Variants in DPYD observed in about 807,000 individuals in gnomAD.
The protein encoded by DPYD is dihydropyrimidine dehydrogenase.
DPYD carries 109 observed loss-of-function variants against 116.2 expected under a neutral mutation model. The observed-to-expected ratio is 0.94, with a 90% CI of 0.80 to 1.10. DPYD has a LOEUF of 1.10. DPYD is among the 50% of genes least tolerant of loss of function. DPYD has a pLI of 0.00. For missense variants in DPYD, 1,302 were observed against 1,254.5 expected, an observed-to-expected ratio of 1.04 and a Z score of -0.57; for synonymous variants, 440 against 432.0, an observed-to-expected ratio of 1.02 and a Z score of -0.23.
intron 20 of DPYD, among the ~76,000 whole-genome samples, chr1:97,133,528 C>G (rs551618446): frequency 6.6e-6 from 1 of 152,068 alleles, no homozygotes; most frequent in South Asian, 2.1e-4. Flanking sequence ...TTATATCTAA[C>G]TATCTAATCC....
rs563141245 is a variant in DPYD, at chr1:97,754,183, G to A, written c.234-13704C>T. ...TAATTCATATCATAAGGTAGACCAC[G>A]TTTTCGGGCAATGGCACTGCTTAGA... On this transcript the variant is annotated intron_variant, in intron 3 of 22. Coordinates refer to ENST00000370192, the MANE Select transcript of DPYD (RefSeq NM_000110.4). 4.0e-5 allele frequency among the ~76,000 whole-genome samples: 6 copies of A among 151,516 alleles called. No individual in the cohort carries two copies. In the South Asian group the frequency reaches 1.0e-3, roughly 26 times the overall value.
At chr1:97,385,364 G>C (rs552115935) in intron 14 of DPYD, among the ~76,000 whole-genome samples, 8 of 145,436 alleles carry the variant, frequency 5.5e-5, no homozygotes, top group African/African-American at 1.8e-4. Flanking sequence ...AAATCAACTG[G>C]GGAATGGGCA....
intron 16 of DPYD, among the ~76,000 whole-genome samples, chr1:97,315,611 A>G (rs1261825232): frequency 1.3e-5 from 2 of 151,976 alleles, no homozygotes; most frequent in Non-Finnish European, 2.9e-5. Flanking sequence ...GGATTACGCT[A>G]TATTCTAGGA....
At chr1:97,181,740 T>A (rs181530604) in intron 20 of DPYD, among the ~76,000 whole-genome samples, 2 of 152,310 alleles carry the variant, frequency 1.3e-5, no homozygotes, top group African/African-American at 4.8e-5. Flanking sequence ...CCCATATATT[T>A]TGGAAATGGA....
At chr1:97,368,086 C>T (rs1256247166) in intron 16 of DPYD, among the ~76,000 whole-genome samples, 1 of 151,816 alleles carries the variant, frequency 6.6e-6, no homozygotes, top group Non-Finnish European at 1.5e-5. Flanking sequence ...GTATAAATTC[C>T]AAGCAGAAGG....
At chr1:97,723,403 C>T (rs2101030176) in intron 4 of DPYD, among the ~76,000 whole-genome samples, 1 of 151,514 alleles carries the variant, frequency 6.6e-6, no homozygotes, top group Non-Finnish European at 1.5e-5. Context: ...ATTACAGAAT[C>T]TAGTTACAGT....
rs1254526843 is a variant in DPYD, at chr1:97,335,769, T to C, written c.2059-29472A>G. On this transcript the variant is annotated intron_variant, in intron 16 of 22. Transcript: ENST00000370192. ...TAAAATAACATATGGGAAAAGAAAA[T>C]AGTACAGTTGCTGCTTTACTTCAAA... 4.6e-5 allele frequency among the ~76,000 whole-genome samples: 7 copies of C among 152,092 alleles called. No homozygotes were observed. In the South Asian group the frequency reaches 6.2e-4, roughly 14 times the overall value.
In DPYD at chr1:97,758,446, T is replaced by C. The variant is rs1210259406; in HGVS notation, c.234-17967A>G. Among the ~76,000 whole-genome samples the C allele has an allele frequency of 2.0e-5, 3 of 152,094 alleles. No homozygotes were observed. The East Asian group carries it at 5.8e-4, about 29-fold the overall frequency. ...TGAATGTTTCTTTACATGAGAGACA[T>C]TAATCTTTCAATAAGAACATAGTTG... On this transcript the variant is annotated intron_variant, in intron 3 of 22. Transcript: ENST00000370192.
intron 18 of DPYD, among the ~76,000 whole-genome samples, chr1:97,275,182 G>A (rs1664857078): frequency 6.6e-6 from 1 of 152,112 alleles, no homozygotes; most frequent in South Asian, 2.1e-4. Context: ...GATGTAAGCT[G>A]GGACAAAATC....
intron 3 of DPYD, among the ~76,000 whole-genome samples, chr1:97,759,201 C>T (rs557869068): frequency 6.6e-6 from 1 of 152,224 alleles, no homozygotes; most frequent in South Asian, 2.1e-4. Flanking sequence ...CAAAACAAAG[C>T]TTTGCTGCAT....
intron 6 of DPYD, among the ~76,000 whole-genome samples, chr1:97,695,666 A>T (rs1387476024): frequency 6.6e-6 from 1 of 151,876 alleles, no homozygotes; most frequent in Non-Finnish European, 1.5e-5. Context: ...CAGGTCGTGG[A>T]AGGGTTTTTA....
chr1:97,919,270 A>G (rs75058968), intron 1 of DPYD, among the ~76,000 whole-genome samples: 12,519 of 152,276 alleles, frequency 0.082, 608 homozygotes, highest in Admixed American at 0.14. Flanking sequence ...ATTAAAAGTA[A>G]TATTAGGCAA....
chr1:97,920,906 C>T lies in DPYD; in HGVS notation c.17G>A (p.Ser6Asn). MAPVL[S>N]KDSADIESIL... ...TACCTCGATGTCCGCCGAGTCCTTA[C>T]TGAGCACAGGGGCCATGGCAGTGCC... Residue 6 changes from serine to asparagine, a missense_variant, in exon 1 of 23, where the codon AGT (serine) becomes AAT (asparagine). Ser to Asn is a conservative substitution (Grantham distance 46, BLOSUM62 1). Coordinates refer to ENST00000370192, the MANE Select transcript of DPYD (RefSeq NM_000110.4). 1 of 1,593,470 alleles carries T rather than the reference C, an allele frequency of 6.3e-7. No homozygotes were observed. The highest frequency in any genetic ancestry group is 8.5e-7 in the Non-Finnish European group (1 of 1,170,326).
intron 18 of DPYD, among the ~76,000 whole-genome samples, chr1:97,235,965 G>T (rs1333865820): frequency 6.6e-6 from 1 of 152,148 alleles, no homozygotes; most frequent in Non-Finnish European, 1.5e-5. Context: ...GACATTACCA[G>T]TATATTATTC....
chr1:97,842,192 T>C (rs1441625918), intron 2 of DPYD, among the ~76,000 whole-genome samples: 2 of 151,926 alleles, frequency 1.3e-5, no homozygotes, highest in Admixed American at 1.3e-4. Flanking sequence ...TAATTTTATT[T>C]TTAATCAACT....
chr1:97,798,233 AT>A (rs1159667158), intron 3 of DPYD, among the ~76,000 whole-genome samples: 1 of 152,080 alleles, frequency 6.6e-6, no homozygotes, highest in Non-Finnish European at 1.5e-5. Flanking sequence ...CTTCAGAATT[AT>A]TCTCCTAATT....
At chr1:97,204,061 A>C (rs1659433432) in intron 19 of DPYD, among the ~76,000 whole-genome samples, 1 of 152,140 alleles carries the variant, frequency 6.6e-6, no homozygotes, top group Non-Finnish European at 1.5e-5. Context: ...GAGTGAATAA[A>C]CTATGTAAGA....
intron 2 of DPYD, among the ~76,000 whole-genome samples, chr1:97,831,340 G>A (rs765305311): frequency 4.6e-5 from 7 of 152,096 alleles, no homozygotes; most frequent in African/African-American, 7.2e-5. Context: ...TCACTGTCAC[G>A]TTTACCACCA....
At chr1:97,762,830 T>C (rs1665651003) in intron 3 of DPYD, among the ~76,000 whole-genome samples, 1 of 152,092 alleles carries the variant, frequency 6.6e-6, no homozygotes, top group South Asian at 2.1e-4. Context: ...GTAGTAGAAA[T>C]AGCAGTCTCT....
Sources: gnomAD v4.1 joint callset for allele counts (sites outside exome capture counted in the v4.1 genomes callset) on GRCh38, gnomAD v4.1.1 for gene constraint, MANE v1.5 for transcripts, NCBI Gene and HGNC (gene_info 2026-07-23, HGNC 2026-07-21) for gene names.